Variants in EEF1A2 observed in about 807,000 individuals in gnomAD.
EEF1A2 encodes eukaryotic translation elongation factor 1 alpha 2.
A neutral mutation model predicts 39.3 loss-of-function variants in EEF1A2; 5 were observed. The ratio of observed to expected loss-of-function variants is 0.13; its 90% CI spans 0.07 to 0.27. The LOEUF (loss-of-function observed/expected upper bound fraction) is 0.27. EEF1A2 is among the 10% of genes least tolerant of loss of function. EEF1A2 has a pLI of 1.00. For missense variants in EEF1A2, 218 were observed against 681.4 expected, an observed-to-expected ratio of 0.32 and a Z score of 7.57; for synonymous variants, 287 against 293.7, an observed-to-expected ratio of 0.98 and a Z score of 0.23.
At chr20:63,491,606 T>A (rs1481308360) in intron 5 of EEF1A2, among the ~76,000 whole-genome samples, 1 of 152,084 alleles carries the variant, frequency 6.6e-6, no homozygotes, top group Non-Finnish European at 1.5e-5. Context: ...TGTTTATGGT[T>A]TCTCTTCTTG....
chr20:63,490,752 G>T lies in EEF1A2; in HGVS notation c.773-17C>A, dbSNP rs756043472. 1.9e-6 allele frequency: 3 copies of T among 1,583,750 alleles called. No homozygotes were observed. The highest frequency in any genetic ancestry group is 1.7e-6 in the Non-Finnish European group (2 of 1,165,814). On this transcript the variant is annotated splice_polypyrimidine_tract_variant and intron_variant, in intron 5 of 7. Coordinates refer to ENST00000217182, the MANE Select transcript of EEF1A2 (RefSeq NM_001958.5). The stretch of plus-strand genomic sequence containing the variant: ...TGCCAATGCCTGCAGAGGGGAGGGG[G>T]TGTGAGGGGAAGGTGGGGCCCGAGG...
chr20:63,491,182 GCCCTGCT>G (rs1472714066), intron 5 of EEF1A2, among the ~76,000 whole-genome samples: 1 of 67,260 alleles, frequency 1.5e-5, no homozygotes, highest in Non-Finnish European at 2.7e-5. Flanking sequence ...GGGCCTGGTG[GCCCTGCT>G]CCCTGCTCCC....
In EEF1A2 at chr20:63,488,260, GCAC is replaced by G; in HGVS notation, c.*35_*37del. 9.8e-7 allele frequency: 1 copy of G among 1,021,144 alleles called. No individual in the cohort carries two copies. The highest frequency in any genetic ancestry group is 1.2e-6 in the Non-Finnish European group (1 of 852,362). The allele number at this position is 1,021,144 out of a possible 1,614,324, so 63.3% of individuals were successfully genotyped here. A position where few individuals can be genotyped will look rare whatever the true frequency, so the allele number is the denominator to read the frequency against. Reference sequence around the variant, plus strand: ...GCCCGGGCCCGGGGTTCGGAGCGCGGCACCGCCGGGGAGGGTCGCGCCGCGGGC... The same window carrying G: ...GCCCGGGCCCGGGGTTCGGAGCGCGGCGCCGGGGAGGGTCGCGCCGCGGGC... On this transcript the variant is annotated 3_prime_UTR_variant, in exon 8 of 8. Transcript: ENST00000217182.
At position 63,489,133 on chromosome 20, in the gene EEF1A2, G is replaced by A; in HGVS notation, c.1049C>T (p.Pro350Leu). 1 of 1,612,654 alleles carries A rather than the reference G, an allele frequency of 6.2e-7. No homozygotes were observed. Among genetic ancestry groups the A allele is most frequent in the Non-Finnish European group, 8.5e-7 (1 of 1,179,888 alleles). Residue 350 changes from proline (P) to leucine (L), a missense_variant, in exon 7 of 8, where the codon CCG becomes CTG. By Grantham distance (98) the Pro-to-Leu change is moderately conservative. This residue lies in a region of EEF1A2 where 80 missense variants were observed against 295.9 expected (regional missense o/e 0.27). Transcript: ENST00000217182. ...GGAGTAGCCGGCGCTAATCTGCCCC[G>A]GGTGGTTCAGGATGATGACCTGCGA... ...FTSQVIILNH[P>L]GQISAGYSPV...
rs1057115359 is a variant in EEF1A2 at position 63,494,883 on chromosome 20, G to C, written c.543C>G (p.Ile181Met). Residue 181 changes from isoleucine to methionine, a missense_variant, in exon 4 of 8, where the codon ATC becomes ATG. Ile to Met is a conservative substitution (Grantham distance 10, BLOSUM62 1). Around this residue, in one of 4 missense-constraint regions of EEF1A2, gnomAD observed 79 missense variants for 172.3 expected, o/e 0.46. Coordinates refer to ENST00000217182, the MANE Select transcript of EEF1A2 (RefSeq NM_001958.5). ...VKEVSAYIKKIGYNPATVPFV... is the reference protein window; with the variant it reads ...VKEVSAYIKKMGYNPATVPFV... Reference sequence around the variant, plus strand: ...AGGGCACGGTGGCCGGGTTGTAGCCGATCTTCTTGATGTAGGCGCTGACTT... The same window carrying C: ...AGGGCACGGTGGCCGGGTTGTAGCCCATCTTCTTGATGTAGGCGCTGACTT... 1.2e-6 allele frequency: 2 copies of C among 1,612,740 alleles called. No homozygotes were observed. The highest frequency in any genetic ancestry group is 1.3e-5 in the African/African-American group (1 of 75,062).
intron 4 of EEF1A2, among the ~76,000 whole-genome samples, chr20:63,494,045 C>T (rs2082404954): frequency 6.6e-6 from 1 of 152,220 alleles, no homozygotes; most frequent in African/African-American, 2.4e-5. Context: ...TGGGGGAGTC[C>T]CTCCCAGTTC....
rs1377822636 is a variant in EEF1A2 at position 63,498,926 on chromosome 20, G to C, written c.-72+132C>G. Reference sequence around the variant, plus strand: ...AGCCCGGCCGACGCGGGGACCCCCGGAAGCCGGACTCCGGGCGCGCGCGGG... The same window carrying C: ...AGCCCGGCCGACGCGGGGACCCCCGCAAGCCGGACTCCGGGCGCGCGCGGG... On this transcript the variant is annotated intron_variant, in intron 1 of 7. Coordinates refer to ENST00000217182, the MANE Select transcript of EEF1A2 (RefSeq NM_001958.5). The surrounding 1 kb of genome is among the most constrained non-coding windows in gnomAD (Gnocchi z 4.1). 2 of 149,602 alleles carry C rather than the reference G, an allele frequency of 1.3e-5. No individual in the cohort carries two copies. Among genetic ancestry groups the C allele is most frequent in the Non-Finnish European group, 3.0e-5 (2 of 67,170 alleles). The allele number at this position is 149,602 out of a possible 1,614,324, so 9.3% of individuals were successfully genotyped here.
At chr20:63,494,263 G>C (rs537558930) in intron 4 of EEF1A2, among the ~76,000 whole-genome samples, 4 of 152,248 alleles carry the variant, frequency 2.6e-5, no homozygotes, top group Non-Finnish European at 5.9e-5. Flanking sequence ...CCAAGGCAGA[G>C]TCCCTGGGCT....
At chr20:63,494,048 C>A (rs2082404975) in intron 4 of EEF1A2, among the ~76,000 whole-genome samples, 1 of 152,192 alleles carries the variant, frequency 6.6e-6, no homozygotes. Flanking sequence ...GGGAGTCCCT[C>A]CCAGTTCTGT....
intron 5 of EEF1A2, among the ~76,000 whole-genome samples, chr20:63,491,956 AGG>A (rs2082383919): frequency 7.6e-5 from 2 of 26,386 alleles, no homozygotes; most frequent in African/African-American, 3.5e-4. Flanking sequence ...ACGGATGGGG[AGG>A]TGGATGGATG....
chr20:63,489,266 CGGA>C, intron 6 of EEF1A2, 114 bp from the exon 7 acceptor site: 1 of 1,046,072 alleles, frequency 9.6e-7, no homozygotes, highest in Non-Finnish European at 1.4e-6. Flanking sequence ...CTCCTGGGCC[CGGA>C]GTGCTGACTG....
At chr20:63,491,207 C>T (rs868536464) in intron 5 of EEF1A2, among the ~76,000 whole-genome samples, 1 of 74,396 alleles carries the variant, frequency 1.3e-5, no homozygotes, top group Non-Finnish European at 2.6e-5. Flanking sequence ...CCCTGCAGGC[C>T]CTGCTCCCTG....
chr20:63,498,777 C>T lies in EEF1A2; in HGVS notation c.-72+281G>A, dbSNP rs1256692989. The T allele has an allele frequency of 6.6e-6, 1 of 152,082 alleles. No individual in the cohort carries two copies. Among genetic ancestry groups the T allele is most frequent in the African/African-American group, 2.4e-5 (1 of 41,402 alleles). The allele number at this position is 152,082 out of a possible 1,614,324, so 9.4% of individuals were successfully genotyped here. A position where few individuals can be genotyped will look rare whatever the true frequency, so the allele number is the denominator to read the frequency against. ...CCTCAGCGTCCTCTGGCCCAGCGCC[C>T]CGAAGCCCGACCCCCATCAGCCCCC... On this transcript the variant is annotated intron_variant, in intron 1 of 7. Transcript: ENST00000217182. The surrounding 1 kb of genome is among the most constrained non-coding windows in gnomAD (Gnocchi z 4.1).
rs2082431391 is a variant in EEF1A2, at chr20:63,498,976, T to A, written c.-72+82A>T. The A allele has an allele frequency of 6.8e-6, 1 of 146,968 alleles. No homozygotes were observed. Among genetic ancestry groups the A allele is most frequent in the Non-Finnish European group, 1.5e-5 (1 of 66,486 alleles). The allele number at this position is 146,968 out of a possible 1,614,324, so 9.1% of individuals were successfully genotyped here. On this transcript the variant is annotated intron_variant, in intron 1 of 7. Coordinates refer to ENST00000217182, the MANE Select transcript of EEF1A2 (RefSeq NM_001958.5). This position sits in a 1 kb window ranked among gnomAD's most constrained non-coding sequence, Gnocchi z 4.1. The stretch of plus-strand genomic sequence containing the variant: ...GGGCGGGTGCGGGGCCCGGCCACCC[T>A]CTGCCCCCCAGGACCGGCCCCGGGG...
At chr20:63,488,543 G>A (rs569597803) in intron 7 of EEF1A2, 118 bp from the exon 8 acceptor site, 2 of 1,274,526 alleles carry the variant, frequency 1.6e-6, no homozygotes, top group South Asian at 1.8e-5. Context: ...CACGCTTAGC[G>A]CAGAGCGCGC....
chr20:63,496,178 G>A, intron 2 of EEF1A2, 143 bp from the exon 3 acceptor site: 1 of 1,019,334 alleles, frequency 9.8e-7, no homozygotes, highest in Non-Finnish European at 1.4e-6. Context: ...GGGGTCCTGG[G>A]ACGCCGGCCC....
At chr20:63,491,658 GTGGA>G (rs1327915929) in intron 5 of EEF1A2, among the ~76,000 whole-genome samples, 1 of 148,172 alleles carries the variant, frequency 6.7e-6, no homozygotes, top group Non-Finnish European at 1.5e-5. Flanking sequence ...GGGGAGGTGG[GTGGA>G]TGGATGGATG....
chr20:63,498,936 T>C lies in EEF1A2; in HGVS notation c.-72+122A>G, dbSNP rs2082431099. On this transcript the variant is annotated intron_variant, in intron 1 of 7. Transcript: ENST00000217182. This position sits in a 1 kb window ranked among gnomAD's most constrained non-coding sequence, Gnocchi z 4.1. Reference sequence around the variant, plus strand: ...ACGCGGGGACCCCCGGAAGCCGGACTCCGGGCGCGCGCGGGGGCGGGTGCG... The same window carrying C: ...ACGCGGGGACCCCCGGAAGCCGGACCCCGGGCGCGCGCGGGGGCGGGTGCG... 6.7e-6 allele frequency: 1 copy of C among 149,200 alleles called. No individual in the cohort carries two copies. The highest frequency in any genetic ancestry group is 2.4e-5 in the African/African-American group (1 of 41,004). The allele number at this position is 149,200 out of a possible 1,614,324, so 9.2% of individuals were successfully genotyped here. A position where few individuals can be genotyped will look rare whatever the true frequency, so the allele number is the denominator to read the frequency against.
chr20:63,491,918 A>G (rs1338044828), intron 5 of EEF1A2, among the ~76,000 whole-genome samples: 5 of 84,640 alleles, frequency 5.9e-5, no homozygotes, highest in Admixed American at 1.1e-4. Context: ...GGATGGGGGG[A>G]TAGATGGATG....
Sources: allele counts gnomAD v4.1 joint callset (sites outside exome capture counted in the v4.1 genomes callset), GRCh38; gene constraint gnomAD v4.1.1; regional missense constraint gnomAD v4.1.1; non-coding constraint Gnocchi (gnomAD v3.1); transcripts MANE v1.5; gene names NCBI Gene and HGNC (gene_info 2026-07-23, HGNC 2026-07-21).